The following OTOF variants were observed in gnomAD, a reference collection of about 807,000 sequenced individuals.
OTOF encodes the protein fer-1-like family member 2.
A neutral mutation model predicts 236.8 loss-of-function variants in OTOF; 218 were observed. The ratio of observed to expected loss-of-function variants is 0.92; its 90% CI spans 0.82 to 1.03. OTOF has a LOEUF of 1.03. Ranked by LOEUF, OTOF falls within the 50% of genes least tolerant of loss-of-function variation. The pLI, the probability that OTOF is intolerant of heterozygous loss-of-function variation, is 0.00. For missense variants in OTOF, 2,590 were observed against 2,694.4 expected, an observed-to-expected ratio of 0.96 and a Z score of 0.86; for synonymous variants, 1,041 against 1,072.5, an observed-to-expected ratio of 0.97 and a Z score of 0.57.
chr2:26,489,803 T>G, intron 9 of OTOF, 63 bp from the exon 10 acceptor site: 4 of 1,297,764 alleles, frequency 3.1e-6, no homozygotes, highest in Non-Finnish European at 4.5e-6. Flanking sequence ...CAGGCAGTGT[T>G]GGGCCCCTCC....
intron 5 of OTOF, among the ~76,000 whole-genome samples, chr2:26,511,722 C>T (rs1384233917): frequency 6.6e-6 from 1 of 152,228 alleles, no homozygotes; most frequent in South Asian, 2.1e-4. Context: ...GAGCTCACAG[C>T]ATAGGAGGAG....
At chr2:26,525,007 T>C (rs1346061916) in intron 3 of OTOF, among the ~76,000 whole-genome samples, 1 of 152,234 alleles carries the variant, frequency 6.6e-6, no homozygotes, top group East Asian at 1.9e-4. Context: ...TGTGTGAGCC[T>C]TCCACTTGTT....
At chr2:26,510,897 G>A (rs1317155454) in intron 5 of OTOF, 6 of 369,116 alleles carry the variant, frequency 1.6e-5, no homozygotes, top group South Asian at 6.3e-5. Flanking sequence ...AGCTTCGCAC[G>A]GTAGCAAGCC....
intron 18 of OTOF, among the ~76,000 whole-genome samples, chr2:26,478,381 C>T (rs1192582898): frequency 2.6e-5 from 4 of 152,332 alleles, no homozygotes; most frequent in South Asian, 2.1e-4. Context: ...GAGCAGACCT[C>T]ATATTAGCCT....
chr2:26,524,354 C>G (rs1426090283), intron 3 of OTOF, among the ~76,000 whole-genome samples: 1 of 152,132 alleles, frequency 6.6e-6, no homozygotes, highest in Admixed American at 6.5e-5. Flanking sequence ...ACTAAAAATA[C>G]AAAAATTATC....
In OTOF at chr2:26,462,123, A is replaced by G; in HGVS notation, c.5251T>C (p.Phe1751Leu). 1.1e-5 allele frequency: 18 copies of G among 1,614,030 alleles called. No homozygotes were observed. The highest frequency in any genetic ancestry group is 1.5e-5 in the Non-Finnish European group (18 of 1,180,000). The part of the protein sequence containing the change: ...TDEVVLEDDD[F>L]FTGEKSSDIF... Reference sequence around the variant, plus strand: ...TCACTGGACTTCTCCCCTGTGAAGAAGTCGTCGTCCTCCAAGACCACCTCA... The same window carrying G: ...TCACTGGACTTCTCCCCTGTGAAGAGGTCGTCGTCCTCCAAGACCACCTCA... Residue 1751 changes from phenylalanine to leucine, a missense_variant, in exon 42 of 47, where the codon TTC (phenylalanine) becomes CTC (leucine). Phe to Leu is a conservative substitution (Grantham distance 22, BLOSUM62 0). Transcript: ENST00000272371. This position sits in a 1 kb window ranked among gnomAD's most constrained non-coding sequence, Gnocchi z 4.7.
chr2:26,461,556 T>C lies in OTOF; in HGVS notation c.5533+140A>G. 1 of 1,189,004 alleles carries C rather than the reference T, an allele frequency of 8.4e-7. No homozygotes were observed. Among genetic ancestry groups the C allele is most frequent in the Non-Finnish European group, 1.2e-6 (1 of 831,148 alleles). 73.7% of individuals were successfully genotyped at this position (1,189,004 alleles called of 1,614,324 possible). A position where few individuals can be genotyped will look rare whatever the true frequency, so the allele number is the denominator to read the frequency against. ...GTGGGTCCTTGGGGGCGGAACCCCG[T>C]CGGACACCCCTGGCTCTGATGGACT... On this transcript the variant is annotated intron_variant, in intron 43 of 46. Coordinates refer to ENST00000272371, the MANE Select transcript of OTOF (RefSeq NM_194248.3). The surrounding 1 kb of genome is among the most constrained non-coding windows in gnomAD (Gnocchi z 6.2).
At chr2:26,542,322 G>T (rs948675977) in intron 1 of OTOF, among the ~76,000 whole-genome samples, 2 of 152,214 alleles carry the variant, frequency 1.3e-5, no homozygotes, top group African/African-American at 4.8e-5. Flanking sequence ...TGGCTTGTGT[G>T]CCATTTGGCC....
chr2:26,537,790 A>G lies in OTOF; in HGVS notation c.80-16T>C. The G allele has an allele frequency of 6.5e-7, 1 of 1,546,070 alleles. No homozygotes were observed. The highest frequency in any genetic ancestry group is 1.4e-5 in the African/African-American group (1 of 72,988). ...AAGGATTGCCCTGTGGGGAAAGAGG[A>G]AATAAATTCTAGGGTCAGAGCTGTC... On this transcript the variant is annotated splice_polypyrimidine_tract_variant and intron_variant, in intron 1 of 46. Coordinates refer to ENST00000272371, the MANE Select transcript of OTOF (RefSeq NM_194248.3).
intron 1 of OTOF, among the ~76,000 whole-genome samples, chr2:26,542,905 C>T (rs1213122931): frequency 6.6e-6 from 1 of 152,180 alleles, no homozygotes; most frequent in Admixed American, 6.5e-5. Context: ...TAGCCTATCT[C>T]CCAGCAGTGC....
Position 26,483,631 on chromosome 2 carries a change from T to A in OTOF, c.1223A>T (p.Glu408Val), listed in dbSNP as rs1326204597. 1 of 1,612,324 alleles carries A rather than the reference T, an allele frequency of 6.2e-7. No homozygotes were observed. Among genetic ancestry groups the A allele is most frequent in the African/African-American group, 1.3e-5 (1 of 74,894 alleles). Residue 408 changes from glutamate (E) to valine (V), a missense_variant, in exon 13 of 47, where the codon GAG becomes GTG. Coordinates refer to ENST00000272371, the MANE Select transcript of OTOF (RefSeq NM_194248.3). Reference sequence around the variant, plus strand: ...CCACTGGCGTTCGGGGGGCACCCCCTCGGGGAGCAGCAAGTTCCTGCCAGC... The same window carrying A: ...CCACTGGCGTTCGGGGGGCACCCCCACGGGGAGCAGCAAGTTCCTGCCAGC... ...DDIEGNLLLP[E>V]GVPPERQWAR...
At position 26,482,448 on chromosome 2, in the gene OTOF, G is replaced by T. The variant is rs756070463; in HGVS notation, c.1537C>A (p.His513Asn). The T allele has an allele frequency of 1.2e-6, 2 of 1,613,334 alleles. No homozygotes were observed. The highest frequency in any genetic ancestry group is 8.5e-7 in the Non-Finnish European group (1 of 1,180,018). The change falls in exon 14 of 47, where the codon CAC (histidine) becomes AAC (asparagine). Residue 513 changes from histidine to asparagine, a missense_variant. His to Asn is a moderately conservative substitution (Grantham distance 68, BLOSUM62 1). Transcript: ENST00000272371. ...DKVNDVAIGT[H>N]FIDLRKISND... Reference sequence around the variant, plus strand: ...GAAATCTTGCGCAGGTCAATGAAGTGGGTGCCGATGGCCACGTCGTTGACC... The same window carrying T: ...GAAATCTTGCGCAGGTCAATGAAGTTGGTGCCGATGGCCACGTCGTTGACC...
Position 26,558,713 on chromosome 2 carries a change from C to T in OTOF, c.-142G>A, listed in dbSNP as rs1667659500. ...CCCCCTCCGATGCTGCCCACAGAGA[C>T]CAAGGCAACCAAGCCGAGCTAAGCT... is the stretch of plus-strand genomic sequence containing the variant. On this transcript the variant is annotated 5_prime_UTR_variant, in exon 1 of 47. Transcript: ENST00000272371. 1.5e-6 allele frequency: 1 copy of T among 684,504 alleles called. No individual in the cohort carries two copies. The highest frequency in any genetic ancestry group is 1.7e-5 in the South Asian group (1 of 60,544). The allele number at this position is 684,504 out of a possible 1,614,324, so 42.4% of individuals were successfully genotyped here. A position where few individuals can be genotyped will look rare whatever the true frequency, so the allele number is the denominator to read the frequency against.
Position 26,516,610 on chromosome 2 carries a change from G to T in OTOF, c.328-11C>A. On this transcript the variant is annotated splice_polypyrimidine_tract_variant and intron_variant, in intron 4 of 46. Coordinates refer to ENST00000272371, the MANE Select transcript of OTOF (RefSeq NM_194248.3). ...CACGCACAGGCTGGTCTGAAGGGAG[G>T]GAGGCGGTGGTGAGCAGCTGGGATG... 6.2e-7 allele frequency: 1 copy of T among 1,602,540 alleles called. No homozygotes were observed.
intron 22 of OTOF, 122 bp from the exon 23 acceptor site, chr2:26,476,439 T>C (rs954720426): frequency 2.2e-6 from 2 of 912,146 alleles, no homozygotes; most frequent in African/African-American, 3.3e-5. Context: ...GCCATCCCGC[T>C]GGGCTGGGGT....
At chr2:26,540,117 A>T (rs1337888164) in intron 1 of OTOF, among the ~76,000 whole-genome samples, 3 of 152,164 alleles carry the variant, frequency 2.0e-5, no homozygotes, top group Admixed American at 2.0e-4. Flanking sequence ...TACTTTTAGT[A>T]GAGATGGGGT....
intron 5 of OTOF, among the ~76,000 whole-genome samples, chr2:26,509,918 A>G (rs1666340885): frequency 6.6e-6 from 1 of 152,156 alleles, no homozygotes; most frequent in South Asian, 2.1e-4. Flanking sequence ...GTCATCTGTA[A>G]GAGCAGGTGT....
intron 1 of OTOF, among the ~76,000 whole-genome samples, chr2:26,543,682 A>G (rs563012632): frequency 6.6e-6 from 1 of 152,316 alleles, no homozygotes; most frequent in Non-Finnish European, 1.5e-5. Context: ...TTCTCAGTCT[A>G]CTAAATAGTC....
chr2:26,503,571 C>T (rs1467792865), intron 6 of OTOF, among the ~76,000 whole-genome samples: 1 of 152,230 alleles, frequency 6.6e-6, no homozygotes, highest in Non-Finnish European at 1.5e-5. Flanking sequence ...TAACCAGGCA[C>T]CCCCGACAGA....
Sources: allele counts gnomAD v4.1 joint callset (sites outside exome capture counted in the v4.1 genomes callset), GRCh38; gene constraint gnomAD v4.1.1; non-coding constraint Gnocchi (gnomAD v3.1); transcripts MANE v1.5; gene names NCBI Gene and HGNC (gene_info 2026-07-23, HGNC 2026-07-21).